NPFFR2: variants seen among roughly 807,000 people sequenced by gnomAD.
The protein encoded by NPFFR2 is G-protein coupled receptor 74.
A neutral mutation model predicts 13.1 loss-of-function variants in NPFFR2; 15 were observed. The ratio of observed to expected loss-of-function variants is 1.15; its 90% CI spans 0.77 to 1.76. The LOEUF is 1.76. Among genes scored for constraint, NPFFR2 ranks in the 40% most tolerant of loss-of-function variants. NPFFR2 has a pLI of 0.00. For synonymous variants in NPFFR2, 190 were observed against 175.7 expected (o/e 1.08, Z -0.65); for missense variants, 572 against 503.5 (o/e 1.14, Z -1.30).
intron 1 of NPFFR2, among the ~76,000 whole-genome samples, chr4:72,073,472 A>G (rs1322144954): frequency 6.6e-6 from 1 of 152,042 alleles, no homozygotes; most frequent in Non-Finnish European, 1.5e-5. Context: ...AGACATAAAG[A>G]TCTCAATAAA....
At chr4:72,135,937 G>A (rs1722396030) in intron 2 of NPFFR2, among the ~76,000 whole-genome samples, 1 of 151,640 alleles carries the variant, frequency 6.6e-6, no homozygotes, top group African/African-American at 2.4e-5. Flanking sequence ...TAGGGCATTT[G>A]GGATATCCAT....
In NPFFR2 at chr4:72,138,079, T is replaced by C. The variant is rs1578481017; in HGVS notation, c.368T>C (p.Leu123Ser). The change falls in exon 3 of 4, where the codon TTG becomes TCG. Residue 123 changes from leucine to serine, a missense_variant. Physicochemically the swap from Leu to Ser is moderately radical, Grantham distance 145 (BLOSUM62 -2). Transcript: ENST00000308744. Reference sequence around the variant, plus strand: ...AACACGATGTGCAAGATCAGTGGATTGGTCCAGGGAATATCTGTCGCAGCT... The same window carrying C: ...AACACGATGTGCAAGATCAGTGGATCGGTCCAGGGAATATCTGTCGCAGCT... Reference protein sequence around the residue: ...FGNTMCKISGLVQGISVAASV... With the variant: ...FGNTMCKISGSVQGISVAASV... 6.2e-7 allele frequency: 1 copy of C among 1,613,782 alleles called. No individual in the cohort carries two copies. Among genetic ancestry groups the C allele is most frequent in the East Asian group, 2.2e-5 (1 of 44,858 alleles).
chr4:72,121,648 A>G (rs12506360), intron 1 of NPFFR2, among the ~76,000 whole-genome samples: 39,528 of 152,118 alleles, frequency 0.26, 6,290 homozygotes, highest in Admixed American at 0.34. Context: ...ATCTAGCCAA[A>G]CTAAGCTTCA....
At chr4:72,069,010 T>C in intron 1 of NPFFR2, 1 of 1,270,840 alleles carries the variant, frequency 7.9e-7, no homozygotes, top group Non-Finnish European at 1.1e-6. Context: ...AGCATGTAGA[T>C]CAGTGACTGC....
chr4:72,132,402 T>A (rs1428336205), intron 2 of NPFFR2, among the ~76,000 whole-genome samples: 2 of 152,234 alleles, frequency 1.3e-5, no homozygotes, highest in Non-Finnish European at 2.9e-5. Context: ...CTACCATTGA[T>A]GGGTATTTAG....
At chr4:72,133,729 A>C (rs1048854170) in intron 2 of NPFFR2, among the ~76,000 whole-genome samples, 3 of 152,046 alleles carry the variant, frequency 2.0e-5, no homozygotes, top group Non-Finnish European at 2.9e-5. Context: ...TCACCTCCGT[A>C]GTTAGCTGTA....
At chr4:72,065,839 T>C (rs1187716411) in intron 1 of NPFFR2, among the ~76,000 whole-genome samples, 1 of 152,154 alleles carries the variant, frequency 6.6e-6, no homozygotes, top group African/African-American at 2.4e-5. Context: ...TTCAGAAGGC[T>C]CATCCTTGCG....
intron 1 of NPFFR2, among the ~76,000 whole-genome samples, chr4:72,079,723 G>A (rs1720551387): frequency 6.6e-6 from 1 of 152,100 alleles, no homozygotes; most frequent in Non-Finnish European, 1.5e-5. Context: ...TAAACAACTT[G>A]TATTCAGAAT....
intron 1 of NPFFR2, among the ~76,000 whole-genome samples, chr4:72,128,041 T>G (rs1722119102): frequency 6.6e-6 from 1 of 152,124 alleles, no homozygotes; most frequent in Admixed American, 6.5e-5. Flanking sequence ...ATGGTGCCAC[T>G]GCACTCCCAT....
chr4:72,103,875 C>CTTGT lies in NPFFR2; in HGVS notation c.-7-24709_-7-24708insTGTT, dbSNP rs1721329917. Among the ~76,000 whole-genome samples the CTTGT allele has an allele frequency of 3.3e-5, 5 of 152,146 alleles. No homozygotes were observed. The South Asian group carries it at 1.0e-3, about 32-fold the overall frequency. On this transcript the variant is annotated intron_variant, in intron 1 of 3. Transcript: ENST00000308744. ...AAATTAAAGTGAGTCTAATCCCAAACTATTATAAATAACAAGTGTTGATCT... is the reference window on the plus strand; with the variant it reads ...AAATTAAAGTGAGTCTAATCCCAAACTTGTTATTATAAATAACAAGTGTTGATCT...
At chr4:72,126,329 A>G (rs543469657) in intron 1 of NPFFR2, among the ~76,000 whole-genome samples, 1 of 152,360 alleles carries the variant, frequency 6.6e-6, no homozygotes, top group African/African-American at 2.4e-5. Flanking sequence ...GCAGTCATTT[A>G]TAATTCTTTG....
chr4:72,051,921 T>C (rs1339295377), intron 1 of NPFFR2, among the ~76,000 whole-genome samples: 1 of 144,298 alleles, frequency 6.9e-6, no homozygotes, highest in Non-Finnish European at 1.5e-5. Flanking sequence ...CCTCGACACA[T>C]ACACTCTCCC....
At chr4:72,074,121 A>C (rs1046950388) in intron 1 of NPFFR2, among the ~76,000 whole-genome samples, 3 of 152,096 alleles carry the variant, frequency 2.0e-5, no homozygotes, top group African/African-American at 7.2e-5. Context: ...AAGTAAAATA[A>C]GGGTTACTTG....
At chr4:72,126,095 G>T (rs1722036715) in intron 1 of NPFFR2, among the ~76,000 whole-genome samples, 1 of 152,042 alleles carries the variant, frequency 6.6e-6, no homozygotes, top group Non-Finnish European at 1.5e-5. Context: ...CAAAAATATT[G>T]CTAAACTGAT....
chr4:72,073,871 A>C (rs971740788), intron 1 of NPFFR2, among the ~76,000 whole-genome samples: 7 of 152,022 alleles, frequency 4.6e-5, no homozygotes, highest in African/African-American at 1.4e-4. Context: ...AAATAACTAA[A>C]GAGTATACTC....
intron 1 of NPFFR2, among the ~76,000 whole-genome samples, chr4:72,127,661 C>A (rs1236602948): frequency 6.6e-6 from 1 of 151,432 alleles, no homozygotes; most frequent in Non-Finnish European, 1.5e-5. Flanking sequence ...CCGCGCCCGG[C>A]CCAATAATTT....
At chr4:72,051,821 C>T (rs1243420340) in intron 1 of NPFFR2, among the ~76,000 whole-genome samples, 11 of 151,900 alleles carry the variant, frequency 7.2e-5, no homozygotes, top group East Asian at 1.9e-4. Context: ...ATATCACCAC[C>T]GATCCCACAG....
At chr4:72,142,084 C>T (rs529285121) in intron 3 of NPFFR2, among the ~76,000 whole-genome samples, 54 of 152,178 alleles carry the variant, frequency 3.5e-4, no homozygotes, top group African/African-American at 1.2e-3. Flanking sequence ...GTTGCAACCC[C>T]TGCCTTTTTT....
chr4:72,092,101 C>T (rs180781880), intron 1 of NPFFR2, among the ~76,000 whole-genome samples: 60 of 152,028 alleles, frequency 3.9e-4, no homozygotes, highest in Middle Eastern at 3.4e-3. Flanking sequence ...GACTCAGTGA[C>T]CATTCAGGAG....
Sources: gnomAD v4.1 joint callset for allele counts (sites outside exome capture counted in the v4.1 genomes callset) on GRCh38, gnomAD v4.1.1 for gene constraint, MANE v1.5 for transcripts, NCBI Gene and HGNC (gene_info 2026-07-23, HGNC 2026-07-21) for gene names.